The following UNC5C variants were observed in gnomAD, a reference collection of about 807,000 sequenced individuals.
The protein encoded by UNC5C is unc-5 netrin receptor C.
A neutral mutation model predicts 99.8 loss-of-function variants in UNC5C; 47 were observed. The observed-to-expected ratio is 0.47, with a 90% confidence interval of 0.37 to 0.60. UNC5C has a LOEUF of 0.60. Ranked by LOEUF, UNC5C falls within the 20% of genes least tolerant of loss-of-function variation. The pLI is 0.00. For synonymous variants in UNC5C, 487 were observed against 452.2 expected, an observed-to-expected ratio of 1.08 and a Z score of -0.98; for missense variants, 1,062 against 1,165.9, an observed-to-expected ratio of 0.91 and a Z score of 1.30.
At chr4:95,278,404 A>G (rs1429918807) in intron 3 of UNC5C, 42 bp from the exon 4 acceptor site, 1 of 1,521,764 alleles carries the variant, frequency 6.6e-7, no homozygotes, top group African/African-American at 1.4e-5. Context: ...AAATTAAACA[A>G]CATTTTCTCA....
At chr4:95,350,392 C>G (rs745667382) in intron 1 of UNC5C, among the ~76,000 whole-genome samples, 9 of 151,900 alleles carry the variant, frequency 5.9e-5, no homozygotes, top group Non-Finnish European at 1.3e-4. Flanking sequence ...GAGGCTGAGG[C>G]AGGAGAATCA....
intron 2 of UNC5C, among the ~76,000 whole-genome samples, chr4:95,317,104 G>A (rs1742504946): frequency 6.6e-6 from 1 of 152,062 alleles, no homozygotes; most frequent in African/African-American, 2.4e-5. Flanking sequence ...ACTTCACAAA[G>A]GAAATCTCTG....
At chr4:95,286,257 A>G (rs2149397562) in intron 3 of UNC5C, among the ~76,000 whole-genome samples, 1 of 152,356 alleles carries the variant, frequency 6.6e-6, no homozygotes, top group South Asian at 2.1e-4. Context: ...GTGATGTTTC[A>G]TAAAGAGATA....
At chr4:95,472,823 C>A (rs1748015277) in intron 1 of UNC5C, among the ~76,000 whole-genome samples, 1 of 151,736 alleles carries the variant, frequency 6.6e-6, no homozygotes, top group Admixed American at 6.6e-5. Flanking sequence ...CAATGTAGAG[C>A]ACAGAGCCTC....
At chr4:95,534,871 T>C (rs1722735615) in intron 1 of UNC5C, among the ~76,000 whole-genome samples, 1 of 152,130 alleles carries the variant, frequency 6.6e-6, no homozygotes, top group South Asian at 2.1e-4. Context: ...AATTTTTGCT[T>C]TTATACTAGT....
At chr4:95,442,968 T>C (rs1272524721) in intron 1 of UNC5C, among the ~76,000 whole-genome samples, 1 of 152,100 alleles carries the variant, frequency 6.6e-6, no homozygotes, top group Non-Finnish European at 1.5e-5. Context: ...AAGAAGACAG[T>C]CCTTGCCTTC....
intron 1 of UNC5C, among the ~76,000 whole-genome samples, chr4:95,372,637 A>AT (rs1744780371): frequency 6.6e-6 from 1 of 152,208 alleles, no homozygotes; most frequent in Admixed American, 6.5e-5. Context: ...GTACTATTAC[A>AT]TTTTTATTAA....
chr4:95,169,310 C>G lies in UNC5C; in HGVS notation c.2720G>C (p.Ser907Thr). ...EAQNFPDGNL[S>T]MLAAVLEEMG... ...TTCTTCCAAGACAGCTGCCAGCATG[C>G]TCAGGTTTCCATCTGGGAAGTTCTG... The change falls in exon 16 of 16, where the codon AGC becomes ACC. Residue 907 changes from serine (S) to threonine (T), a missense_variant. This residue lies in a region of UNC5C where 810 missense variants were observed against 854.5 expected (regional missense o/e 0.95). Coordinates refer to ENST00000453304, the MANE Select transcript of UNC5C (RefSeq NM_003728.4). 1 of 1,614,234 alleles carries G rather than the reference C, an allele frequency of 6.2e-7. No individual in the cohort carries two copies. Among genetic ancestry groups the G allele is most frequent in the Non-Finnish European group, 8.5e-7 (1 of 1,180,050 alleles).
At chr4:95,196,367 C>G (rs1467571775) in intron 12 of UNC5C, among the ~76,000 whole-genome samples, 8 of 152,136 alleles carry the variant, frequency 5.3e-5, no homozygotes, top group Non-Finnish European at 8.8e-5. Context: ...CAATTCTTAG[C>G]ATCTTTATCC....
intron 3 of UNC5C, among the ~76,000 whole-genome samples, chr4:95,284,541 CT>C (rs1741167491): frequency 6.6e-6 from 1 of 152,076 alleles, no homozygotes; most frequent in African/African-American, 2.4e-5. Context: ...TTTCACAGAA[CT>C]TTTTGGACAC....
At chr4:95,423,846 C>A (rs17023842) in intron 1 of UNC5C, among the ~76,000 whole-genome samples, 4,551 of 152,172 alleles carry the variant, frequency 0.03, 242 homozygotes, top group African/African-American at 0.1. Context: ...CTGGGGTAAA[C>A]GTTCTCGAAC....
chr4:95,227,574 A>C (rs1043685899), intron 7 of UNC5C, among the ~76,000 whole-genome samples: 11 of 152,216 alleles, frequency 7.2e-5, no homozygotes, highest in African/African-American at 2.7e-4. Context: ...AATATTTGAA[A>C]ACTGGAGCAA....
In UNC5C at chr4:95,163,898, G is replaced by A. The variant is rs7670131; in HGVS notation, c.*5336C>T. 6.6e-6 allele frequency: 1 copy of A among 152,180 alleles called. No individual in the cohort carries two copies. Among genetic ancestry groups the A allele is most frequent in the African/African-American group, 2.4e-5 (1 of 41,412 alleles). The allele number at this position is 152,180 out of a possible 1,614,324, so 9.4% of individuals were successfully genotyped here. On this transcript the variant is annotated 3_prime_UTR_variant, in exon 16 of 16. Coordinates refer to ENST00000453304, the MANE Select transcript of UNC5C (RefSeq NM_003728.4). Reference sequence around the variant, plus strand: ...GCTGATGAAGAGCTGCTAATAATTGGTGGGCTTGCTGTGCCAGTACACTTG... The same window carrying A: ...GCTGATGAAGAGCTGCTAATAATTGATGGGCTTGCTGTGCCAGTACACTTG...
At chr4:95,385,360 T>TA (rs1250143416) in intron 1 of UNC5C, among the ~76,000 whole-genome samples, 1 of 152,326 alleles carries the variant, frequency 6.6e-6, no homozygotes, top group South Asian at 2.1e-4. Context: ...TTTGTTCTTG[T>TA]AAAAAATTTG....
rs1350549348 is a variant in UNC5C, at chr4:95,165,416, C to CATAGCAGAGGTG, written c.*3806_*3817dup. ...CTCACAGCAGGATGGGGGTTTTCTG[C>CATAGCAGAGGTG]ATAGCAGAGGTGACTGTTCATTTGG... is the stretch of plus-strand genomic sequence containing the variant. On this transcript the variant is annotated 3_prime_UTR_variant, in exon 16 of 16. Coordinates refer to ENST00000453304, the MANE Select transcript of UNC5C (RefSeq NM_003728.4). 4 of 152,186 alleles carry CATAGCAGAGGTG rather than the reference C, an allele frequency of 2.6e-5. No individual in the cohort carries two copies. Among genetic ancestry groups the CATAGCAGAGGTG allele is most frequent in the Non-Finnish European group, 4.4e-5 (3 of 68,036 alleles). 9.4% of individuals were successfully genotyped at this position (152,186 alleles called of 1,614,324 possible).
chr4:95,236,392 T>A (rs1739115195), intron 7 of UNC5C, among the ~76,000 whole-genome samples: 1 of 140,714 alleles, frequency 7.1e-6, no homozygotes, highest in Non-Finnish European at 1.5e-5. Context: ...ATGAGAACAC[T>A]TGGACACAGG....
At chr4:95,329,957 G>A (rs1743048751) in intron 2 of UNC5C, among the ~76,000 whole-genome samples, 3 of 152,058 alleles carry the variant, frequency 2.0e-5, no homozygotes. Flanking sequence ...CCAACATCTA[G>A]CATTTATTTT....
At chr4:95,216,608 A>G (rs1001996539) in intron 9 of UNC5C, among the ~76,000 whole-genome samples, 1 of 152,184 alleles carries the variant, frequency 6.6e-6, no homozygotes, top group African/African-American at 2.4e-5. Flanking sequence ...CATAAAAAAA[A>G]AAACAACATG....
chr4:95,341,712 C>T (rs1374899470), intron 1 of UNC5C, among the ~76,000 whole-genome samples: 1 of 152,038 alleles, frequency 6.6e-6, no homozygotes, highest in African/African-American at 2.4e-5. Context: ...TGAGTGATCA[C>T]AGTACCTGGT....
Sources: gnomAD v4.1 joint callset for allele counts (sites outside exome capture counted in the v4.1 genomes callset) on GRCh38, gnomAD v4.1.1 for gene constraint, gnomAD v4.1.1 regional missense constraint, MANE v1.5 for transcripts, NCBI Gene and HGNC (gene_info 2026-07-23, HGNC 2026-07-21) for gene names.